The following HLF variants were observed in gnomAD, a reference collection of about 807,000 sequenced individuals.
The protein encoded by HLF is hepatic leukemia factor.
A neutral mutation model predicts 22.6 loss-of-function variants in HLF; 3 were observed. The ratio of observed to expected loss-of-function variants is 0.13; its 90% CI spans 0.06 to 0.34. The LOEUF (loss-of-function observed/expected upper bound fraction) is 0.34, where lower values mean the gene tolerates loss of function less well. Among genes scored for constraint, HLF ranks in the 10% least tolerant of loss-of-function variants. The probability of loss-of-function intolerance (pLI) is 1.00; values close to 1 mark genes in which losing one functional copy is unlikely to be tolerated. For synonymous variants in HLF, 151 were observed against 151.8 expected (o/e 0.99, Z 0.04); for missense variants, 299 against 389.2 (o/e 0.77, Z 1.95).
intron 2 of HLF, chr17:55,283,528 A>G (rs991314003): frequency 2.0e-5 from 3 of 152,306 alleles, no homozygotes; most frequent in African/African-American, 7.2e-5. Flanking sequence ...GTTGCTTCCG[A>G]TGTCCTGGAA....
chr17:55,265,890 A>G (rs1484000488), intron 1 of HLF: 2 of 1,155,230 alleles, frequency 1.7e-6, no homozygotes, highest in African/African-American at 3.2e-5. Context: ...TTGACAGGTC[A>G]GGATCGTTCC....
chr17:55,265,193 C>T lies in HLF; in HGVS notation c.-292C>T, dbSNP rs889746408. 3.5e-6 allele frequency: 1 copy of T among 283,324 alleles called. No homozygotes were observed. 17.6% of individuals were successfully genotyped at this position (283,324 alleles called of 1,614,324 possible). A position where few individuals can be genotyped will look rare whatever the true frequency, so the allele number is the denominator to read the frequency against. ...TTTCAATTTTGAACATTTTGCAAAA[C>T]GAGGGGTTCGAGGCAGGTGAGAGCA... On this transcript the variant is annotated 5_prime_UTR_variant, in exon 1 of 4. In the 5' UTR this introduces an upstream ATG that the reference lacks. Transcript: ENST00000226067.
chr17:55,274,248 C>CG (rs1555605036), intron 2 of HLF, among the ~76,000 whole-genome samples: 3 of 151,900 alleles, frequency 2.0e-5, no homozygotes, highest in African/African-American at 4.8e-5. Context: ...ACCCAGGAAT[C>CG]ATTTTTTATG....
chr17:55,292,758 G>A (rs919475587), intron 2 of HLF, among the ~76,000 whole-genome samples: 1 of 152,164 alleles, frequency 6.6e-6, no homozygotes, highest in African/African-American at 2.4e-5. Context: ...ATCAGTGGGT[G>A]AATGGACAAA....
intron 2 of HLF, among the ~76,000 whole-genome samples, chr17:55,304,436 G>A (rs1904449248): frequency 6.6e-6 from 1 of 152,210 alleles, no homozygotes; most frequent in South Asian, 2.1e-4. Context: ...ACTTCTAACC[G>A]GCTGTGGTTA....
chr17:55,317,189 G>A (rs918319392), intron 3 of HLF, among the ~76,000 whole-genome samples: 1 of 151,794 alleles, frequency 6.6e-6, no homozygotes, highest in African/African-American at 2.4e-5. Flanking sequence ...GGATGGTCTC[G>A]ATCTCCTGAC....
intron 2 of HLF, among the ~76,000 whole-genome samples, chr17:55,310,673 A>G (rs1904790023): frequency 2.6e-5 from 4 of 152,260 alleles, no homozygotes; most frequent in Admixed American, 6.5e-5. Context: ...AATTATAAAC[A>G]TAGAAAGGAT....
chr17:55,293,133 A>C (rs376819812), intron 2 of HLF, among the ~76,000 whole-genome samples: 10 of 152,372 alleles, frequency 6.6e-5, no homozygotes, highest in Admixed American at 2.0e-4. Context: ...AATACATAGA[A>C]GATTTGAAAT....
chr17:55,288,247 A>G (rs2081024049), intron 2 of HLF, among the ~76,000 whole-genome samples: 1 of 151,882 alleles, frequency 6.6e-6, no homozygotes, highest in South Asian at 2.1e-4. Context: ...TCCTGGGCCC[A>G]AGTGATTCTC....
chr17:55,319,316 GCCAACTGCCCCTTGGAATTCTGA>G (rs1393795298), intron 3 of HLF, among the ~76,000 whole-genome samples: 18 of 152,142 alleles, frequency 1.2e-4, no homozygotes, highest in African/African-American at 3.9e-4. Context: ...CTCCTTCAAT[GCCAACTGCCCCTTGGAATTCTGA>G]GGGGTGCAAG....
At chr17:55,277,274 T>TGTGTGCGC (rs71361764) in intron 2 of HLF, among the ~76,000 whole-genome samples, 28 of 113,984 alleles carry the variant, frequency 2.5e-4, no homozygotes, top group East Asian at 6.1e-4. Flanking sequence ...TGTGTGTGTG[T>TGTGTGCGC]GCGCGCGCAT....
chr17:55,292,083 C>G (rs1442901061), intron 2 of HLF, among the ~76,000 whole-genome samples: 3 of 152,210 alleles, frequency 2.0e-5, no homozygotes, highest in African/African-American at 7.2e-5. Context: ...ATGGAATCTA[C>G]TCCTAGTGAT....
chr17:55,275,566 A>G (rs1430233423), intron 2 of HLF, among the ~76,000 whole-genome samples: 1 of 152,184 alleles, frequency 6.6e-6, no homozygotes, highest in Non-Finnish European at 1.5e-5. Context: ...TCAGAAGGAG[A>G]AGGTTCAGTT....
chr17:55,273,755 CTT>C (rs11319874), intron 2 of HLF: 236 of 140,442 alleles, frequency 1.7e-3, no homozygotes, highest in Admixed American at 2.5e-3. Flanking sequence ...TGCTGGCTTG[CTT>C]TTTTTTTTTT....
rs545912319 is a variant in HLF, at chr17:55,285,649, T to TG, written c.451+17564dup. 3.0e-4 allele frequency among the ~76,000 whole-genome samples: 46 copies of TG among 152,280 alleles called. 1 individual carries two copies. The highest frequency in any genetic ancestry group is 2.9e-3 in the Admixed American group (45 of 15,302). On this transcript the variant is annotated intron_variant, in intron 2 of 3. Transcript: ENST00000226067. ...AAATCTGCTTGGGCTGCCTGGCTCT[T>TG]GCAGTCACGTGGAGAGAAATGTGTT...
chr17:55,277,203 G>T (rs925109903), intron 2 of HLF, among the ~76,000 whole-genome samples: 1 of 148,156 alleles, frequency 6.7e-6, no homozygotes, highest in Non-Finnish European at 1.5e-5. Flanking sequence ...CAGCTTACTA[G>T]GTTTGCAAAT....
intron 2 of HLF, chr17:55,271,934 T>A (rs1297261190): frequency 2.0e-5 from 3 of 152,188 alleles, no homozygotes; most frequent in Non-Finnish European, 4.4e-5. Flanking sequence ...AAAGAATGAA[T>A]CAAATATCTG....
At chr17:55,311,528 C>A (rs1022103348) in intron 2 of HLF, among the ~76,000 whole-genome samples, 20 of 151,826 alleles carry the variant, frequency 1.3e-4, no homozygotes, top group Admixed American at 1.3e-3. Flanking sequence ...AAAAACAAAA[C>A]AATAGTAATA....
intron 2 of HLF, among the ~76,000 whole-genome samples, chr17:55,293,429 T>C (rs1279563955): frequency 6.6e-6 from 1 of 152,082 alleles, no homozygotes; most frequent in Admixed American, 6.6e-5. Context: ...AACCGGGCAG[T>C]CAGCTAAGCA....
Sources: allele counts gnomAD v4.1 joint callset (sites outside exome capture counted in the v4.1 genomes callset), GRCh38; gene constraint gnomAD v4.1.1; transcripts MANE v1.5; gene names NCBI Gene and HGNC (gene_info 2026-07-23, HGNC 2026-07-21).